Variants in CALCR observed in about 807,000 individuals in gnomAD.
The protein encoded by CALCR is calcitonin receptor.
Under a neutral mutation model 59.5 loss-of-function variants are expected in CALCR, and 47 were observed. The observed-to-expected ratio is 0.79, with a 90% CI of 0.63 to 1.01. CALCR has a LOEUF of 1.01. Ranked by LOEUF, CALCR falls within the 50% of genes least tolerant of loss-of-function variation. The pLI, the probability that CALCR is intolerant of heterozygous loss-of-function variation, is 0.00. For missense variants in CALCR, 566 were observed against 597.1 expected (o/e 0.95, Z 0.54); for synonymous variants, 213 against 211.3 (o/e 1.01, Z -0.07).
At chr7:93,513,171 G>T (rs1187907538) in intron 2 of CALCR, among the ~76,000 whole-genome samples, 1 of 152,090 alleles carries the variant, frequency 6.6e-6, no homozygotes, top group East Asian at 1.9e-4. Context: ...TTCTAGCATG[G>T]TCTTCACGTA....
intron 2 of CALCR, among the ~76,000 whole-genome samples, chr7:93,510,321 G>C (rs567982789): frequency 6.6e-6 from 1 of 152,084 alleles, no homozygotes; most frequent in African/African-American, 2.4e-5. Context: ...TGGGGGAAAG[G>C]TCCCTCGTTA....
At chr7:93,475,866 C>T (rs147525933) in intron 5 of CALCR, among the ~76,000 whole-genome samples, 6 of 151,894 alleles carry the variant, frequency 4.0e-5, no homozygotes, top group African/African-American at 9.6e-5. Flanking sequence ...ACAGATTTTC[C>T]GCTAACAGCC....
At chr7:93,555,432 G>A (rs1037169096) in intron 2 of CALCR, among the ~76,000 whole-genome samples, 1 of 152,070 alleles carries the variant, frequency 6.6e-6, no homozygotes, top group Non-Finnish European at 1.5e-5. Flanking sequence ...TACTCCTGGG[G>A]TCATCTGGAA....
At chr7:93,550,386 G>A (rs534228379) in intron 2 of CALCR, among the ~76,000 whole-genome samples, 36 of 148,644 alleles carry the variant, frequency 2.4e-4, no homozygotes, top group Non-Finnish European at 4.1e-4. Context: ...AGCTACTCAG[G>A]AAGCTGAGGC....
At chr7:93,443,025 G>A (rs1017075066) in intron 9 of CALCR, among the ~76,000 whole-genome samples, 2 of 152,036 alleles carry the variant, frequency 1.3e-5, no homozygotes, top group African/African-American at 4.8e-5. Flanking sequence ...AGCAGCCACA[G>A]CTTAAACAAT....
chr7:93,465,854 T>C (rs927653584), intron 7 of CALCR, among the ~76,000 whole-genome samples: 12 of 152,034 alleles, frequency 7.9e-5, no homozygotes, highest in African/African-American at 2.6e-4. Context: ...TTCTGAGTAA[T>C]ATCCCAAGTT....
At chr7:93,547,547 G>A (rs1384846123) in intron 2 of CALCR, among the ~76,000 whole-genome samples, 1 of 152,080 alleles carries the variant, frequency 6.6e-6, no homozygotes, top group Non-Finnish European at 1.5e-5. Flanking sequence ...TTTGAAGCAG[G>A]CCATACTTAA....
intron 2 of CALCR, among the ~76,000 whole-genome samples, chr7:93,506,802 A>G (rs528769267): frequency 6.6e-6 from 1 of 152,234 alleles, no homozygotes; most frequent in Non-Finnish European, 1.5e-5. Flanking sequence ...CCCAAATCTC[A>G]TCTTGAATTG....
intron 6 of CALCR, among the ~76,000 whole-genome samples, chr7:93,470,797 T>A (rs1027609654): frequency 6.6e-6 from 1 of 151,804 alleles, no homozygotes; most frequent in African/African-American, 2.4e-5. Context: ...TATTATACTT[T>A]AAGTTTTAGG....
intron 12 of CALCR, among the ~76,000 whole-genome samples, chr7:93,435,578 C>G (rs1331313632): frequency 1.3e-5 from 2 of 151,918 alleles, no homozygotes; most frequent in Non-Finnish European, 2.9e-5. Context: ...CAGGCCGAGG[C>G]GGGCAGAATA....
intron 2 of CALCR, among the ~76,000 whole-genome samples, chr7:93,564,073 T>G (rs1482475531): frequency 6.6e-6 from 1 of 152,228 alleles, no homozygotes; most frequent in Admixed American, 6.5e-5. Flanking sequence ...CTTGAAAGTT[T>G]TCACAACCTA....
At chr7:93,503,552 G>A (rs1214335045) in intron 2 of CALCR, among the ~76,000 whole-genome samples, 1 of 152,064 alleles carries the variant, frequency 6.6e-6, no homozygotes, top group Non-Finnish European at 1.5e-5. Flanking sequence ...GATTTTGCTT[G>A]CCTGCATTTT....
At chr7:93,558,827 G>A (rs774942897) in intron 2 of CALCR, among the ~76,000 whole-genome samples, 1 of 152,070 alleles carries the variant, frequency 6.6e-6, no homozygotes, top group Non-Finnish European at 1.5e-5. Flanking sequence ...GAAGGAATGC[G>A]AGCTTGATAG....
chr7:93,440,159 T>G (rs1456278795), intron 9 of CALCR, among the ~76,000 whole-genome samples: 1 of 152,142 alleles, frequency 6.6e-6, no homozygotes, highest in Non-Finnish European at 1.5e-5. Context: ...TGGGCTTTTT[T>G]GGGCCATATT....
At chr7:93,472,517 T>A in intron 5 of CALCR, 30 bp from the exon 6 acceptor site, 2 of 1,221,304 alleles carry the variant, frequency 1.6e-6, no homozygotes, top group Non-Finnish European at 2.4e-6. Context: ...GTTATTGCAT[T>A]AATATCTCAA....
chr7:93,522,506 A>G (rs940624454), intron 2 of CALCR, among the ~76,000 whole-genome samples: 3 of 152,148 alleles, frequency 2.0e-5, no homozygotes, highest in Non-Finnish European at 2.9e-5. Context: ...TCTACCTACC[A>G]TGTCCTTTTC....
intron 2 of CALCR, among the ~76,000 whole-genome samples, chr7:93,501,472 C>T (rs921838056): frequency 3.3e-5 from 5 of 152,058 alleles, no homozygotes; most frequent in Non-Finnish European, 1.5e-5. Flanking sequence ...ATCAACCCCA[C>T]AAACTTAATC....
chr7:93,564,253 G>T (rs149979914), intron 2 of CALCR, among the ~76,000 whole-genome samples: 16 of 152,088 alleles, frequency 1.1e-4, no homozygotes, highest in Non-Finnish European at 2.1e-4. Context: ...GAATGTGTGG[G>T]GGGGGACAGA....
intron 6 of CALCR, among the ~76,000 whole-genome samples, chr7:93,469,778 G>A (rs2115845791): frequency 6.6e-6 from 1 of 151,814 alleles, no homozygotes; most frequent in South Asian, 2.1e-4. Context: ...TTGGTCTTAA[G>A]TTCCTTCAAC....
Sources: gnomAD v4.1 joint callset for allele counts (sites outside exome capture counted in the v4.1 genomes callset) on GRCh38, gnomAD v4.1.1 for gene constraint, MANE v1.5 for transcripts, NCBI Gene and HGNC (gene_info 2026-07-23, HGNC 2026-07-21) for gene names.